Variants in DDAH2 observed in about 807,000 individuals in gnomAD.
The protein encoded by DDAH2 is DDAH family member 2, ADMA-independent.
Under a neutral mutation model 24.8 loss-of-function variants are expected in DDAH2, and 8 were observed. The ratio of observed to expected loss-of-function variants is 0.32; its 90% CI spans 0.19 to 0.58. The LOEUF is 0.58. Among genes scored for constraint, DDAH2 ranks in the 20% least tolerant of loss-of-function variants. The pLI is 0.87. For synonymous variants in DDAH2, 151 were observed against 166.1 expected (o/e 0.91, Z 0.70); for missense variants, 281 against 379.0 (o/e 0.74, Z 2.15).
rs1288862892 is a variant in DDAH2 at position 31,728,313 on chromosome 6, T to A, written c.472-21A>T. The A allele has an allele frequency of 6.9e-6, 11 of 1,603,512 alleles. No homozygotes were observed. The highest frequency in any genetic ancestry group is 9.4e-6 in the Non-Finnish European group (11 of 1,174,010). ...AAGTCCTAGGGAGAGCGAAGGGAGG[T>A]ATTCAGGGGCGCGGGAGGGGTGATG... On this transcript the variant is annotated intron_variant, in intron 3 of 5. Transcript: ENST00000375789. The surrounding 1 kb of genome is among the most constrained non-coding windows in gnomAD (Gnocchi z 9.8).
upstream of DDAH2, chr6:31,729,490 G>A (rs1807690348): frequency 2.9e-6 from 1 of 342,950 alleles, no homozygotes; most frequent in Non-Finnish European, 5.3e-6. This position sits in a 1 kb window ranked among gnomAD's most constrained non-coding sequence, Gnocchi z 6.7. Flanking sequence ...GGGCTTGTGA[G>A]GTCCCTGTCG....
rs959756450 is a variant in DDAH2 at position 31,728,073 on chromosome 6, A to G, written c.591+100T>C. 7.1e-7 allele frequency: 1 copy of G among 1,408,620 alleles called. No homozygotes were observed. Among genetic ancestry groups the G allele is most frequent in the African/African-American group, 1.4e-5 (1 of 70,094 alleles). The allele number at this position is 1,408,620 out of a possible 1,614,324, so 87.3% of individuals were successfully genotyped here. A position where few individuals can be genotyped will look rare whatever the true frequency, so the allele number is the denominator to read the frequency against. On this transcript the variant is annotated intron_variant, in intron 4 of 5. Coordinates refer to ENST00000375789, the MANE Select transcript of DDAH2 (RefSeq NM_001303007.2). This position sits in a 1 kb window ranked among gnomAD's most constrained non-coding sequence, Gnocchi z 9.8. ...TTCTTTCATGTAAGATGGACAGCCC[A>G]TTGAGGGCAGGGGTTAGGGCTAATT...
At position 31,727,665 on chromosome 6, in the gene DDAH2, A is replaced by G. The variant is rs1333463687; in HGVS notation, c.619T>C (p.Tyr207His). ...RAMAVLTDHP[Y>H]ASLTLPDDAA... is the part of the protein sequence containing the mutation. ...TCATCTGGGAGGGTCAGGGAGGCAT[A>G]TGGGTGATCTGTCAGCACTGCCATT... Residue 207 changes from tyrosine to histidine, a missense_variant, in exon 5 of 6, where the codon TAT becomes CAT. By Grantham distance (83) the Tyr-to-His change is moderately conservative (BLOSUM62 2). Coordinates refer to ENST00000375789, the MANE Select transcript of DDAH2 (RefSeq NM_001303007.2). The surrounding 1 kb of genome is among the most constrained non-coding windows in gnomAD (Gnocchi z 6.0). 1.9e-6 allele frequency: 3 copies of G among 1,610,586 alleles called. No individual in the cohort carries two copies. In the South Asian group the frequency reaches 3.3e-5, roughly 18 times the overall value.
At position 31,728,557 on chromosome 6, in the gene DDAH2, G is replaced by T; in HGVS notation, c.398-33C>A. 6.2e-7 allele frequency: 1 copy of T among 1,612,206 alleles called. No homozygotes were observed. Among genetic ancestry groups the T allele is most frequent in the Non-Finnish European group, 8.5e-7 (1 of 1,179,442 alleles). ...CGGGAGGCCGCGGAGGTTTGAGGGC[G>T]GGAGTGAGTTAGAAACAAGGCTCCA... On this transcript the variant is annotated intron_variant, in intron 2 of 5. Transcript: ENST00000375789. The surrounding 1 kb of genome is among the most constrained non-coding windows in gnomAD (Gnocchi z 9.8).
chr6:31,729,203 A>C lies in DDAH2; in HGVS notation c.-42T>G. On this transcript the variant is annotated 5_prime_UTR_variant, in exon 1 of 6. Coordinates refer to ENST00000375789, the MANE Select transcript of DDAH2 (RefSeq NM_001303007.2). This position sits in a 1 kb window ranked among gnomAD's most constrained non-coding sequence, Gnocchi z 6.7. ...CCCCCTCCAACCGCTCGGATTTCTT[A>C]GTTTTCTTGTTTCTTCACCTGTCTG... 1.4e-6 allele frequency: 2 copies of C among 1,457,144 alleles called. No homozygotes were observed. Among genetic ancestry groups the C allele is most frequent in the African/African-American group, 2.8e-5 (2 of 70,832 alleles). The allele number at this position is 1,457,144 out of a possible 1,614,324, so 90.3% of individuals were successfully genotyped here. A position where few individuals can be genotyped will look rare whatever the true frequency, so the allele number is the denominator to read the frequency against.
Position 31,727,714 on chromosome 6 carries a change from C to T in DDAH2, c.592-22G>A, listed in dbSNP as rs939267157. ...TTGCCTAGAGGAAAGAGGAAGTGTT[C>T]GAGTCTCAGAACCTCTCCACAGCTG... On this transcript the variant is annotated intron_variant, in intron 4 of 5. Coordinates refer to ENST00000375789, the MANE Select transcript of DDAH2 (RefSeq NM_001303007.2). This position sits in a 1 kb window ranked among gnomAD's most constrained non-coding sequence, Gnocchi z 6.0. 1.3e-5 allele frequency: 21 copies of T among 1,571,280 alleles called. No homozygotes were observed. Among genetic ancestry groups the T allele is most frequent in the African/African-American group, 5.4e-5 (4 of 73,880 alleles).
In DDAH2 at chr6:31,727,613, C is replaced by T. The variant is rs1468723671; in HGVS notation, c.671G>A (p.Arg224His). Residue 224 changes from arginine (R) to histidine (H), a missense_variant, in exon 5 of 6, where the codon CGT (arginine) becomes CAT (histidine). Coordinates refer to ENST00000375789, the MANE Select transcript of DDAH2 (RefSeq NM_001303007.2). The surrounding 1 kb of genome is among the most constrained non-coding windows in gnomAD (Gnocchi z 6.0). ...AGGGGGCACACCAGGCAACCCAGGACGAAGAAAGAGACAGTCAGCAGCTGC... is the reference window on the plus strand; with the variant it reads ...AGGGGGCACACCAGGCAACCCAGGATGAAGAAAGAGACAGTCAGCAGCTGC... ...DDAAADCLFL[R>H]PGLPGVPPFL... is the part of the protein sequence containing the mutation. 4.3e-6 allele frequency: 7 copies of T among 1,613,012 alleles called. No homozygotes were observed. Among genetic ancestry groups the T allele is most frequent in the East Asian group, 4.5e-5 (2 of 44,876 alleles).
chr6:31,728,174 C>T lies in DDAH2; in HGVS notation c.590G>A (p.Arg197Gln), dbSNP rs1807529681. 4.3e-6 allele frequency: 7 copies of T among 1,611,576 alleles called. No homozygotes were observed. The East Asian group carries it at 1.6e-4, about 36-fold the overall frequency. Residue 197 changes from arginine to glutamine, a missense_variant and splice_region_variant, in exon 4 of 6, where the codon CGG (arginine) becomes CAG (glutamine). Physicochemically the swap from Arg to Gln is conservative, Grantham distance 43 (BLOSUM62 1). Coordinates refer to ENST00000375789, the MANE Select transcript of DDAH2 (RefSeq NM_001303007.2). The surrounding 1 kb of genome is among the most constrained non-coding windows in gnomAD (Gnocchi z 9.8). ...TCGTTGGCCCCGCCCCCTCCTCACC[C>T]GGACAGCCTTTTGGGCAGCGTCGCT... Reference protein sequence around the residue: ...GSSDAAQKAVRAMAVLTDHPY... With the variant: ...GSSDAAQKAVQAMAVLTDHPY...
In DDAH2 at chr6:31,727,513, C is replaced by G; in HGVS notation, c.741+30G>C. ...CCTGAAACTCTTTTCTCTGATGGTG[C>G]TTGGTGTTGGAGTTCCTGCCCTCTC... is the stretch of plus-strand genomic sequence containing the variant. On this transcript the variant is annotated intron_variant, in intron 5 of 5. Coordinates refer to ENST00000375789, the MANE Select transcript of DDAH2 (RefSeq NM_001303007.2). This position sits in a 1 kb window ranked among gnomAD's most constrained non-coding sequence, Gnocchi z 6.0. 3 of 1,613,046 alleles carry G rather than the reference C, an allele frequency of 1.9e-6. No individual in the cohort carries two copies. Among genetic ancestry groups the G allele is most frequent in the Non-Finnish European group, 2.5e-6 (3 of 1,180,006 alleles).
chr6:31,728,546 G>A lies in DDAH2; in HGVS notation c.398-22C>T. On this transcript the variant is annotated intron_variant, in intron 2 of 5. Transcript: ENST00000375789. The surrounding 1 kb of genome is among the most constrained non-coding windows in gnomAD (Gnocchi z 9.8). ...CGGCCTGAGTCCGGGAGGCCGCGGA[G>A]GTTTGAGGGCGGGAGTGAGTTAGAA... The A allele has an allele frequency of 6.2e-7, 1 of 1,612,786 alleles. No homozygotes were observed. Among genetic ancestry groups the A allele is most frequent in the Non-Finnish European group, 8.5e-7 (1 of 1,179,886 alleles).
At position 31,728,599 on chromosome 6, in the gene DDAH2, A is replaced by G. The variant is rs778968206; in HGVS notation, c.397+47T>C. The stretch of plus-strand genomic sequence containing the variant: ...AAGGCTCCAGACGGCCGAGTCTCCC[A>G]AACTCTACTTCCCTGTGCCAAGACC... On this transcript the variant is annotated intron_variant, in intron 2 of 5. Coordinates refer to ENST00000375789, the MANE Select transcript of DDAH2 (RefSeq NM_001303007.2). This position sits in a 1 kb window ranked among gnomAD's most constrained non-coding sequence, Gnocchi z 9.8. The G allele has an allele frequency of 6.2e-7, 1 of 1,611,868 alleles. No homozygotes were observed. The highest frequency in any genetic ancestry group is 1.7e-5 in the Admixed American group (1 of 59,960).
Position 31,729,191 on chromosome 6 carries a change from C to T in DDAH2, c.-30G>A, listed in dbSNP as rs752195343. ...TCCACACAGACTCCCCCTCCAACCGCTCGGATTTCTTAGTTTTCTTGTTTC... is the reference window on the plus strand; with the variant it reads ...TCCACACAGACTCCCCCTCCAACCGTTCGGATTTCTTAGTTTTCTTGTTTC... On this transcript the variant is annotated 5_prime_UTR_variant, in exon 1 of 6. Coordinates refer to ENST00000375789, the MANE Select transcript of DDAH2 (RefSeq NM_001303007.2). This position sits in a 1 kb window ranked among gnomAD's most constrained non-coding sequence, Gnocchi z 6.7. 2.0e-6 allele frequency: 3 copies of T among 1,508,412 alleles called. No individual in the cohort carries two copies. Among genetic ancestry groups the T allele is most frequent in the Non-Finnish European group, 2.7e-6 (3 of 1,111,630 alleles). The allele number at this position is 1,508,412 out of a possible 1,614,324, so 93.4% of individuals were successfully genotyped here. A position where few individuals can be genotyped will look rare whatever the true frequency, so the allele number is the denominator to read the frequency against.
Position 31,728,118 on chromosome 6 carries a change from C to A in DDAH2, c.591+55G>T. 6.3e-7 allele frequency: 1 copy of A among 1,595,386 alleles called. No homozygotes were observed. Among genetic ancestry groups the A allele is most frequent in the Non-Finnish European group, 8.5e-7 (1 of 1,174,642 alleles). ...CTAATTTCCTAAGCCTCCCAGCTCC[C>A]GGCCTCCCGGGCCCAGAACTGCGCC... is the stretch of plus-strand genomic sequence containing the variant. On this transcript the variant is annotated intron_variant, in intron 4 of 5. Coordinates refer to ENST00000375789, the MANE Select transcript of DDAH2 (RefSeq NM_001303007.2). The surrounding 1 kb of genome is among the most constrained non-coding windows in gnomAD (Gnocchi z 9.8).
Position 31,728,067 on chromosome 6 carries a change from C to T in DDAH2, c.591+106G>A. The T allele has an allele frequency of 1.5e-6, 2 of 1,313,780 alleles. No individual in the cohort carries two copies. Among genetic ancestry groups the T allele is most frequent in the Non-Finnish European group, 2.1e-6 (2 of 949,678 alleles). 81.4% of individuals were successfully genotyped at this position (1,313,780 alleles called of 1,614,324 possible). A position where few individuals can be genotyped will look rare whatever the true frequency, so the allele number is the denominator to read the frequency against. On this transcript the variant is annotated intron_variant, in intron 4 of 5. Transcript: ENST00000375789. The surrounding 1 kb of genome is among the most constrained non-coding windows in gnomAD (Gnocchi z 9.8). Reference sequence around the variant, plus strand: ...CCTGTGTTCTTTCATGTAAGATGGACAGCCCATTGAGGGCAGGGGTTAGGG... The same window carrying T: ...CCTGTGTTCTTTCATGTAAGATGGATAGCCCATTGAGGGCAGGGGTTAGGG...
Position 31,728,352 on chromosome 6 carries a change from CAT to C in DDAH2, c.472-62_472-61del. ...GGAGGGGTGATGGGGTATCTTCAAA[CAT>C]AGGCTGCTCTCTGCCTCTCATTTCC... On this transcript the variant is annotated intron_variant, in intron 3 of 5. Transcript: ENST00000375789. This position sits in a 1 kb window ranked among gnomAD's most constrained non-coding sequence, Gnocchi z 9.8. 1 of 1,608,558 alleles carries C rather than the reference CAT, an allele frequency of 6.2e-7. No homozygotes were observed. The highest frequency in any genetic ancestry group is 8.5e-7 in the Non-Finnish European group (1 of 1,177,134).
In DDAH2 at chr6:31,729,079, C is replaced by T. The variant is rs975377875; in HGVS notation, c.83G>A (p.Gly28Asp). 3.1e-6 allele frequency: 5 copies of T among 1,612,922 alleles called. No homozygotes were observed. Among genetic ancestry groups the T allele is most frequent in the Non-Finnish European group, 4.2e-6 (5 of 1,180,012 alleles). The change falls in exon 1 of 6, where the codon GGT becomes GAT. Residue 28 changes from glycine (G) to aspartate (D), a missense_variant. Physicochemically the swap from Gly to Asp is moderately conservative, Grantham distance 94. Transcript: ENST00000375789. This position sits in a 1 kb window ranked among gnomAD's most constrained non-coding sequence, Gnocchi z 6.7. ...GVPESLASGEGAGAGLPALDL... is the reference protein window; with the variant it reads ...GVPESLASGEDAGAGLPALDL... ...CAGAGCGGGAAGGCCAGCCCCCGCA[C>T]CTTCCCCCGACGCCAGGCTCTCTGG...
rs778544881 is a variant in DDAH2, at chr6:31,728,421, C to T, written c.471+30G>A. ...CCCTTCCGACCCCCACCTGCACCCCCTCCCTCCCTAGGCTGGTCCCGCTCC... is the reference window on the plus strand; with the variant it reads ...CCCTTCCGACCCCCACCTGCACCCCTTCCCTCCCTAGGCTGGTCCCGCTCC... On this transcript the variant is annotated intron_variant, in intron 3 of 5. Transcript: ENST00000375789. The surrounding 1 kb of genome is among the most constrained non-coding windows in gnomAD (Gnocchi z 9.8). The T allele has an allele frequency of 2.5e-6, 4 of 1,611,644 alleles. No individual in the cohort carries two copies. The highest frequency in any genetic ancestry group is 2.2e-5 in the South Asian group (2 of 91,008).
Position 31,728,975 on chromosome 6 carries a change from G to A in DDAH2, c.187C>T (p.Leu63=). The A allele has an allele frequency of 6.2e-7, 1 of 1,613,126 alleles. No homozygotes were observed. Among genetic ancestry groups the A allele is most frequent in the Non-Finnish European group, 8.5e-7 (1 of 1,180,034 alleles). ...AGCGGCAATGACTCCTCAGGTGGCA[G>A]TTCTAGCAGCTGTAGCCCCAGTCGT... The part of the protein sequence containing the change: ...RQRLGLQLLE[L]PPEESLPLGP... Residue 63 remains leucine (L), a synonymous_variant, in exon 1 of 6, where the codon CTG becomes TTG. Coordinates refer to ENST00000375789, the MANE Select transcript of DDAH2 (RefSeq NM_001303007.2). This position sits in a 1 kb window ranked among gnomAD's most constrained non-coding sequence, Gnocchi z 9.8.
rs1406056990 is a variant in DDAH2 at position 31,728,078 on chromosome 6, G to A, written c.591+95C>T. The A allele has an allele frequency of 4.8e-6, 7 of 1,449,674 alleles. No individual in the cohort carries two copies. The African/African-American group carries it at 7.0e-5, about 15-fold the overall frequency. The allele number at this position is 1,449,674 out of a possible 1,614,324, so 89.8% of individuals were successfully genotyped here. A position where few individuals can be genotyped will look rare whatever the true frequency, so the allele number is the denominator to read the frequency against. ...TCATGTAAGATGGACAGCCCATTGA[G>A]GGCAGGGGTTAGGGCTAATTTCCTA... On this transcript the variant is annotated intron_variant, in intron 4 of 5. Coordinates refer to ENST00000375789, the MANE Select transcript of DDAH2 (RefSeq NM_001303007.2). The surrounding 1 kb of genome is among the most constrained non-coding windows in gnomAD (Gnocchi z 9.8).
Sources: gnomAD v4.1 joint callset for allele counts on GRCh38, gnomAD v4.1.1 for gene constraint, Gnocchi (gnomAD v3.1) non-coding constraint, MANE v1.5 for transcripts, NCBI Gene and HGNC (gene_info 2026-07-23, HGNC 2026-07-21) for gene names.